The following TXNL1 variants were observed in gnomAD, a reference collection of about 807,000 sequenced individuals.
TXNL1 encodes thioredoxin-like protein 1.
TXNL1 carries 14 observed loss-of-function variants against 35.5 expected under a neutral mutation model. That is an observed-to-expected ratio of 0.39 (90% CI 0.26 to 0.62). TXNL1 has a LOEUF of 0.62. Ranked by LOEUF, TXNL1 falls within the 20% of genes least tolerant of loss-of-function variation. The pLI, the probability that TXNL1 is intolerant of heterozygous loss-of-function variation, is 0.47. For missense variants in TXNL1, 263 were observed against 349.7 expected, an observed-to-expected ratio of 0.75 and a Z score of 1.98; for synonymous variants, 110 against 115.5, an observed-to-expected ratio of 0.95 and a Z score of 0.31.
In TXNL1 at chr18:56,618,072, C is replaced by G; in HGVS notation, c.424G>C (p.Asp142His). The G allele has an allele frequency of 7.4e-6, 12 of 1,613,906 alleles. No homozygotes were observed. The highest frequency in any genetic ancestry group is 1.0e-5 in the Non-Finnish European group (12 of 1,179,884). Residue 142 changes from aspartate (D) to histidine (H), a missense_variant, in exon 4 of 8, where the codon GAT becomes CAT. Physicochemically the swap from Asp to His is moderately conservative, Grantham distance 81. Transcript: ENST00000217515. ...KAGCECLNES[D>H]EHGFDNCLRK... Reference sequence around the variant, plus strand: ...AAACAGTTGTCAAATCCATGCTCATCACTTTCATTAAGACATTCACAACCA... The same window carrying G: ...AAACAGTTGTCAAATCCATGCTCATGACTTTCATTAAGACATTCACAACCA...
intron 3 of TXNL1, among the ~76,000 whole-genome samples, chr18:56,623,978 GA>G (rs1320175498): frequency 6.6e-6 from 1 of 151,060 alleles, no homozygotes; most frequent in Non-Finnish European, 1.5e-5. Flanking sequence ...ACATTTTCTG[GA>G]AAAAAAAGTA....
At chr18:56,617,892 G>A in intron 4 of TXNL1, 112 bp downstream of exon 4, 1 of 1,334,864 alleles carries the variant, frequency 7.5e-7, no homozygotes. Context: ...GAAATGAAAG[G>A]AAGAAGTGAT....
intron 3 of TXNL1, among the ~76,000 whole-genome samples, chr18:56,621,382 A>C (rs964880057): frequency 6.6e-6 from 1 of 151,848 alleles, no homozygotes; most frequent in African/African-American, 2.4e-5. Context: ...TTTGGTAGAG[A>C]TGGGGTTTCT....
At position 56,601,784 on chromosome 18, in the gene TXNL1, T is replaced by G. The variant is rs973968551; in HGVS notation, c.*1243A>C. 2 of 152,144 alleles carry G rather than the reference T, an allele frequency of 1.3e-5. No homozygotes were observed. Among genetic ancestry groups the G allele is most frequent in the Non-Finnish European group, 2.9e-5 (2 of 68,020 alleles). 9.4% of individuals were successfully genotyped at this position (152,144 alleles called of 1,614,324 possible). A position where few individuals can be genotyped will look rare whatever the true frequency, so the allele number is the denominator to read the frequency against. On this transcript the variant is annotated 3_prime_UTR_variant, in exon 8 of 8. Coordinates refer to ENST00000217515, the MANE Select transcript of TXNL1 (RefSeq NM_004786.3). Reference sequence around the variant, plus strand: ...TACAGTCTTATGTACTCTTTAAAAATAGTTTTCAAAATACTCAGAAATTTT... The same window carrying G: ...TACAGTCTTATGTACTCTTTAAAAAGAGTTTTCAAAATACTCAGAAATTTT...
rs1017137745 is a variant in TXNL1, at chr18:56,638,572, T to A, written c.-132A>T. 2.8e-5 allele frequency: 25 copies of A among 893,400 alleles called. No individual in the cohort carries two copies. Among genetic ancestry groups the A allele is most frequent in the Non-Finnish European group, 3.7e-5 (23 of 619,098 alleles). 55.3% of individuals were successfully genotyped at this position (893,400 alleles called of 1,614,324 possible). On this transcript the variant is annotated 5_prime_UTR_variant, in exon 1 of 8. Coordinates refer to ENST00000217515, the MANE Select transcript of TXNL1 (RefSeq NM_004786.3). ...GACAGAAGAGGTGGCGACCGCCGAG[T>A]CTTCTCCCGGGACTCTCAGTGCCGA...
intron 5 of TXNL1, 72 bp downstream of exon 5, chr18:56,616,173 A>G: frequency 5.0e-6 from 7 of 1,399,358 alleles, no homozygotes; most frequent in Middle Eastern, 2.5e-4. Flanking sequence ...CTATTTAATA[A>G]AAAGTTTTAA....
intron 5 of TXNL1, 90 bp downstream of exon 5, chr18:56,616,155 A>AAGT: frequency 8.5e-7 from 1 of 1,171,554 alleles, no homozygotes; most frequent in Non-Finnish European, 1.2e-6. Flanking sequence ...AAGAAAAAAC[A>AAGT]AGTACCTCTA....
intron 1 of TXNL1, among the ~76,000 whole-genome samples, chr18:56,626,764 G>T (rs1221303256): frequency 1.4e-5 from 2 of 141,276 alleles, no homozygotes; most frequent in African/African-American, 2.6e-5. Flanking sequence ...CTCCCAAAGT[G>T]CTGGGATTAC....
At chr18:56,625,143 G>A (rs1435427160) in intron 2 of TXNL1, among the ~76,000 whole-genome samples, 2 of 151,962 alleles carry the variant, frequency 1.3e-5, no homozygotes, top group African/African-American at 4.8e-5. Flanking sequence ...CAAATATTAT[G>A]AAAGTCACTA....
chr18:56,617,225 A>C (rs1277331065), intron 4 of TXNL1, among the ~76,000 whole-genome samples: 1 of 152,192 alleles, frequency 6.6e-6, no homozygotes, highest in South Asian at 2.1e-4. Context: ...TCCTTTAGTT[A>C]CACCAATACT....
rs151129014 is a variant in TXNL1 at position 56,632,517 on chromosome 18, C to A, written c.98+5826G>T. ...GTAAGTTTAAATTAGATCCCAGAAC[C>A]CAACTCTTAACAGCTATGCTAAAAA... On this transcript the variant is annotated intron_variant, in intron 1 of 7. Transcript: ENST00000217515. Among the ~76,000 whole-genome samples, 5 of 152,264 alleles carry A rather than the reference C, an allele frequency of 3.3e-5. No homozygotes were observed. The East Asian group carries it at 9.6e-4, about 29-fold the overall frequency.
intron 2 of TXNL1, among the ~76,000 whole-genome samples, chr18:56,625,227 A>G (rs772646084): frequency 1.3e-5 from 2 of 152,166 alleles, no homozygotes; most frequent in Non-Finnish European, 2.9e-5. Context: ...TGAAAAAACT[A>G]TGACCTTTCA....
Position 56,614,416 on chromosome 18 carries a change from C to T in TXNL1, c.735+8G>A. On this transcript the variant is annotated splice_region_variant and intron_variant, in intron 6 of 7. Transcript: ENST00000217515. The stretch of plus-strand genomic sequence containing the variant: ...CTATTAAATACATATGAACGAAATA[C>T]TACTTACAGTTACACTGTTAACATT... 6.2e-7 allele frequency: 1 copy of T among 1,610,068 alleles called. No individual in the cohort carries two copies. Among genetic ancestry groups the T allele is most frequent in the Non-Finnish European group, 8.5e-7 (1 of 1,177,914 alleles).
chr18:56,614,348 A>T, intron 6 of TXNL1, 76 bp downstream of exon 6: 1 of 1,312,178 alleles, frequency 7.6e-7, no homozygotes, highest in Non-Finnish European at 1.0e-6. Flanking sequence ...AGAATCACTT[A>T]GACTTACCTA....
Position 56,599,566 on chromosome 18 carries a change from T to C in TXNL1, c.*3461A>G, listed in dbSNP as rs2023784325. 6.6e-6 allele frequency: 1 copy of C among 152,100 alleles called. No individual in the cohort carries two copies. The highest frequency in any genetic ancestry group is 1.5e-5 in the Non-Finnish European group (1 of 68,028). 9.4% of individuals were successfully genotyped at this position (152,100 alleles called of 1,614,324 possible). Reference sequence around the variant, plus strand: ...TTTAGCAGTTCTGTGAATGGATTTTTTTTTTTTTTCTTTTGAGACAGTCTC... The same window carrying C: ...TTTAGCAGTTCTGTGAATGGATTTTCTTTTTTTTTCTTTTGAGACAGTCTC... On this transcript the variant is annotated 3_prime_UTR_variant, in exon 8 of 8. Coordinates refer to ENST00000217515, the MANE Select transcript of TXNL1 (RefSeq NM_004786.3).
intron 3 of TXNL1, among the ~76,000 whole-genome samples, chr18:56,623,136 T>G (rs639048): frequency 6.6e-6 from 1 of 152,130 alleles, no homozygotes; most frequent in African/African-American, 2.4e-5. Context: ...GTTTAAGATA[T>G]TAGCTTTGGC....
intron 1 of TXNL1, among the ~76,000 whole-genome samples, chr18:56,636,086 T>A (rs1186548995): frequency 6.6e-6 from 1 of 152,178 alleles, no homozygotes; most frequent in Non-Finnish European, 1.5e-5. Flanking sequence ...CAATGAATTA[T>A]ACTCTTACAA....
At chr18:56,603,141 C>G in intron 7 of TXNL1, 85 bp from the exon 8 acceptor site, 1 of 1,254,346 alleles carries the variant, frequency 8.0e-7, no homozygotes, top group Non-Finnish European at 1.1e-6. Flanking sequence ...AGTTTAAAAC[C>G]TTGGTATTAA....
intron 3 of TXNL1, among the ~76,000 whole-genome samples, chr18:56,622,476 T>A (rs376357345): frequency 1.3e-5 from 2 of 152,208 alleles, no homozygotes; most frequent in African/African-American, 4.8e-5. Flanking sequence ...ATTACCAAAT[T>A]TAAATACTGA....
Sources: gnomAD v4.1 joint callset for allele counts (sites outside exome capture counted in the v4.1 genomes callset) on GRCh38, gnomAD v4.1.1 for gene constraint, MANE v1.5 for transcripts, NCBI Gene and HGNC (gene_info 2026-07-23, HGNC 2026-07-21) for gene names.